The following LPXN variants were observed in gnomAD, a reference collection of about 807,000 sequenced individuals.
LPXN encodes leupaxin.
A neutral mutation model predicts 45.6 loss-of-function variants in LPXN; 28 were observed. The observed-to-expected ratio is 0.61, with a 90% confidence interval of 0.45 to 0.84. The LOEUF (loss-of-function observed/expected upper bound fraction) is 0.84. Ranked by LOEUF, LPXN falls within the 40% of genes least tolerant of loss-of-function variation. The pLI is 0.00. For synonymous variants in LPXN, 166 were observed against 169.9 expected (o/e 0.98, Z 0.18); for missense variants, 459 against 475.0 (o/e 0.97, Z 0.31).
At chr11:58,528,252 A>G in intron 7 of LPXN, 61 bp from the exon 8 acceptor site, 1 of 1,521,676 alleles carries the variant, frequency 6.6e-7, no homozygotes, top group Non-Finnish European at 9.0e-7. Flanking sequence ...TACACTGGAG[A>G]CTGAGAGGAG....
chr11:58,527,571 G>C lies in LPXN; in HGVS notation c.1044C>G (p.Phe348Leu). 1 of 1,614,146 alleles carries C rather than the reference G, an allele frequency of 6.2e-7. No individual in the cohort carries two copies. The change falls in exon 9 of 9, where the codon TTC (phenylalanine) becomes TTG (leucine). Residue 348 changes from phenylalanine (F) to leucine (L), a missense_variant. Physicochemically the swap from Phe to Leu is conservative, Grantham distance 22. Transcript: ENST00000395074. ...GRCISAMGYK[F>L]HPEHFVCAFC... ...AAGCACACACAAAGTGCTCAGGATG[G>C]AACTTGTACCCCATGGCACTGATAC... is the stretch of plus-strand genomic sequence containing the variant.
chr11:58,529,039 G>A (rs146912344), intron 7 of LPXN, among the ~76,000 whole-genome samples: 2 of 151,460 alleles, frequency 1.3e-5, no homozygotes, highest in East Asian at 3.9e-4. Flanking sequence ...TGATACTTAG[G>A]GTTTTTTTAA....
intron 3 of LPXN, among the ~76,000 whole-genome samples, chr11:58,558,306 G>C (rs1854269902): frequency 6.6e-6 from 1 of 151,934 alleles, no homozygotes; most frequent in South Asian, 2.1e-4. Context: ...GGGAAGCTGA[G>C]GCAGGAGGAC....
At chr11:58,540,912 C>T (rs1029323007) in intron 7 of LPXN, among the ~76,000 whole-genome samples, 3 of 152,080 alleles carry the variant, frequency 2.0e-5, no homozygotes, top group Non-Finnish European at 4.4e-5. Flanking sequence ...TGATCTTTGA[C>T]AAACCTGACA....
chr11:58,531,310 A>T (rs1321993105), intron 7 of LPXN, among the ~76,000 whole-genome samples: 1 of 152,108 alleles, frequency 6.6e-6, no homozygotes, highest in Non-Finnish European at 1.5e-5. Flanking sequence ...AGAACCTTGA[A>T]AACAGGTTAG....
intron 3 of LPXN, among the ~76,000 whole-genome samples, chr11:58,561,131 CT>C (rs1449160046): frequency 6.6e-6 from 1 of 151,524 alleles, no homozygotes; most frequent in Non-Finnish European, 1.5e-5. Flanking sequence ...CTACTCAAGC[CT>C]TTTCTCTCTC....
intron 1 of LPXN, among the ~76,000 whole-genome samples, chr11:58,574,740 T>C (rs571199746): frequency 3.9e-5 from 6 of 152,330 alleles, no homozygotes; most frequent in African/African-American, 1.4e-4. Context: ...AGCAGTTTGA[T>C]ATTTATTAAA....
upstream of LPXN, among the ~76,000 whole-genome samples, chr11:58,576,240 T>C (rs1047513884): frequency 6.6e-6 from 1 of 152,062 alleles, no homozygotes; most frequent in African/African-American, 2.4e-5. Flanking sequence ...AAAATTTGCA[T>C]CAGAGTTGAC....
Position 58,560,356 on chromosome 11 carries a change from A to G in LPXN, c.218+3799T>C, listed in dbSNP as rs184605837. ...AGAGCTTTCTATTTAAAATTGTTCTAAAATATAAAATTAACACATGTTAAG... is the reference window on the plus strand; with the variant it reads ...AGAGCTTTCTATTTAAAATTGTTCTGAAATATAAAATTAACACATGTTAAG... On this transcript the variant is annotated intron_variant, in intron 3 of 8. Coordinates refer to ENST00000395074, the MANE Select transcript of LPXN (RefSeq NM_004811.3). Among the ~76,000 whole-genome samples the G allele has an allele frequency of 9.8e-5, 15 of 152,330 alleles. No individual in the cohort carries two copies. The East Asian group carries it at 2.7e-3, about 27-fold the overall frequency.
At chr11:58,527,911 G>A (rs1415751855) in intron 8 of LPXN, 132 bp downstream of exon 8, 14 of 1,200,684 alleles carry the variant, frequency 1.2e-5, no homozygotes, top group African/African-American at 3.1e-5. Context: ...TCTGTATCTC[G>A]TTTCTCCTTT....
At chr11:58,534,159 C>T (rs1853479335) in intron 7 of LPXN, among the ~76,000 whole-genome samples, 1 of 152,182 alleles carries the variant, frequency 6.6e-6, no homozygotes, top group Non-Finnish European at 1.5e-5. Flanking sequence ...GAACTCAGCT[C>T]TTGGCCAAGC....
rs1233936587 is a variant in LPXN, at chr11:58,533,471, T to G, written c.743-5280A>C. ...AAATTATTTACAGACAAGCAAATGC[T>G]GAGAGACTTTACTACCACCAGGCCT... On this transcript the variant is annotated intron_variant, in intron 7 of 8. Transcript: ENST00000395074. Among the ~76,000 whole-genome samples the G allele has an allele frequency of 2.0e-5, 3 of 152,206 alleles. No individual in the cohort carries two copies. In the East Asian group the frequency reaches 5.8e-4, roughly 29 times the overall value.
At chr11:58,553,335 CAA>C (rs35629114) in intron 4 of LPXN, among the ~76,000 whole-genome samples, 4 of 68,418 alleles carry the variant, frequency 5.8e-5, no homozygotes, top group Non-Finnish European at 2.7e-5. Context: ...GAATCTGTCT[CAA>C]AAAAAAAAAA....
At chr11:58,536,382 A>G (rs1853553970) in intron 7 of LPXN, among the ~76,000 whole-genome samples, 2 of 152,222 alleles carry the variant, frequency 1.3e-5, no homozygotes, top group Admixed American at 1.3e-4. Flanking sequence ...GATCTTTGAC[A>G]AACTTGACAA....
upstream of LPXN, among the ~76,000 whole-genome samples, chr11:58,578,553 C>T (rs561461291): frequency 6.6e-6 from 1 of 152,318 alleles, no homozygotes; most frequent in Non-Finnish European, 1.5e-5. Flanking sequence ...GAAGCGACAG[C>T]TCAAAATACT....
intron 7 of LPXN, among the ~76,000 whole-genome samples, chr11:58,544,113 C>T (rs1465652497): frequency 6.6e-6 from 1 of 152,146 alleles, no homozygotes; most frequent in African/African-American, 2.4e-5. Context: ...CCCTGAGACA[C>T]AGAAGAGCTC....
At chr11:58,530,405 A>T (rs1174457043) in intron 7 of LPXN, among the ~76,000 whole-genome samples, 2 of 152,160 alleles carry the variant, frequency 1.3e-5, no homozygotes, top group Non-Finnish European at 2.9e-5. Flanking sequence ...AGGTGGTTTT[A>T]CCTTCACAGT....
At chr11:58,563,703 T>C (rs531529475) in intron 3 of LPXN, among the ~76,000 whole-genome samples, 45 of 152,234 alleles carry the variant, frequency 3.0e-4, no homozygotes, top group Non-Finnish European at 5.6e-4. Context: ...ATACAAATTT[T>C]GAGCAAATAT....
chr11:58,556,145 ATG>A (rs1357791821), intron 3 of LPXN, among the ~76,000 whole-genome samples: 2 of 152,116 alleles, frequency 1.3e-5, no homozygotes, highest in African/African-American at 4.8e-5. Flanking sequence ...ATCAGTTGAA[ATG>A]TGTTTTTTTT....
Sources: gnomAD v4.1 joint callset for allele counts (sites outside exome capture counted in the v4.1 genomes callset) on GRCh38, gnomAD v4.1.1 for gene constraint, MANE v1.5 for transcripts, NCBI Gene and HGNC (gene_info 2026-07-23, HGNC 2026-07-21) for gene names.